TDRD10: variants seen among roughly 807,000 people sequenced by gnomAD.
TDRD10 encodes tudor domain containing 10.
A neutral mutation model predicts 48.0 loss-of-function variants in TDRD10; 40 were observed. The ratio of observed to expected loss-of-function variants is 0.83; its 90% confidence interval spans 0.65 to 1.09. The LOEUF is 1.09. Ranked by LOEUF, TDRD10 falls within the 50% of genes least tolerant of loss-of-function variation. The pLI, the probability that TDRD10 is intolerant of heterozygous loss-of-function variation, is 0.00. For synonymous variants in TDRD10, 162 were observed against 170.4 expected, an observed-to-expected ratio of 0.95 and a Z score of 0.38; for missense variants, 378 against 434.7, an observed-to-expected ratio of 0.87 and a Z score of 1.16.
chr1:154,517,984 A>G (rs1030939848), intron 4 of TDRD10, among the ~76,000 whole-genome samples: 1 of 152,176 alleles, frequency 6.6e-6, no homozygotes, highest in African/African-American at 2.4e-5. Context: ...GTGTTGTCCA[A>G]CTGTTAAATT....
At chr1:154,534,041 TG>T (rs1396166930) in intron 6 of TDRD10, among the ~76,000 whole-genome samples, 2 of 151,850 alleles carry the variant, frequency 1.3e-5, no homozygotes, top group African/African-American at 4.8e-5. Flanking sequence ...TATTTTTAAA[TG>T]GGAAAAAAAA....
chr1:154,533,901 T>TA (rs1222625628), intron 6 of TDRD10, among the ~76,000 whole-genome samples: 56 of 119,496 alleles, frequency 4.7e-4, no homozygotes, highest in East Asian at 1.1e-3. Flanking sequence ...ATATTTTTTT[T>TA]TAATTTTCTA....
At chr1:154,519,962 T>A (rs192727903) in intron 4 of TDRD10, among the ~76,000 whole-genome samples, 142 of 152,284 alleles carry the variant, frequency 9.3e-4, no homozygotes, top group Non-Finnish European at 1.9e-3. Context: ...GCTGTGGAAG[T>A]CACTTCTTCC....
chr1:154,518,866 A>C (rs1557819587), intron 4 of TDRD10, among the ~76,000 whole-genome samples: 1 of 152,228 alleles, frequency 6.6e-6, no homozygotes. Flanking sequence ...ATTTGGCCCA[A>C]GGTTATGGTT....
Position 154,544,013 on chromosome 1 carries a change from G to A in TDRD10, c.554G>A (p.Trp185Ter). ...AGGGAATGCTTCCGAGACCTGAGCT[G>A]GCTGGCACTCATCCATAGCGTCCGT... ...LLRECFRDLS[W>*]LALIHSVRGE... Residue 185 changes from tryptophan to a stop codon, truncating the protein, a stop_gained, in exon 9 of 13, where the codon TGG becomes TAG. Transcript: ENST00000368482. LOFTEE classifies it high-confidence loss of function. 1 of 1,614,222 alleles carries A rather than the reference G, an allele frequency of 6.2e-7. No individual in the cohort carries two copies. The highest frequency in any genetic ancestry group is 1.1e-5 in the South Asian group (1 of 91,092).
intron 8 of TDRD10, 48 bp downstream of exon 8, chr1:154,542,869 ATCC>A: frequency 6.7e-7 from 1 of 1,489,112 alleles, no homozygotes; most frequent in Non-Finnish European, 9.3e-7. Flanking sequence ...GATTACAGAC[ATCC>A]TCTGTCCCCC....
At chr1:154,512,028 T>TG (rs1273357308) in intron 4 of TDRD10, among the ~76,000 whole-genome samples, 15 of 79,860 alleles carry the variant, frequency 1.9e-4, no homozygotes, top group South Asian at 5.5e-4. Context: ...AAACTGTGTC[T>TG]GAAAAAAAAA....
intron 4 of TDRD10, among the ~76,000 whole-genome samples, chr1:154,519,374 A>G (rs1048822595): frequency 1.3e-5 from 2 of 152,242 alleles, no homozygotes; most frequent in Admixed American, 6.5e-5. Context: ...GATGGTATAA[A>G]TATCATTTTT....
At chr1:154,544,145 T>A in intron 9 of TDRD10, 35 bp downstream of exon 9, 1 of 1,613,662 alleles carries the variant, frequency 6.2e-7, no homozygotes. Flanking sequence ...CAGGCTCCTG[T>A]GCCTTCCTGC....
Position 154,508,544 on chromosome 1 carries a change from G to A in TDRD10, c.141+63G>A, listed in dbSNP as rs1693275136. 4 of 1,073,956 alleles carry A rather than the reference G, an allele frequency of 3.7e-6. No homozygotes were observed. In the South Asian group the frequency reaches 5.0e-5, roughly 13 times the overall value. The allele number at this position is 1,073,956 out of a possible 1,614,324, so 66.5% of individuals were successfully genotyped here. On this transcript the variant is annotated intron_variant, in intron 4 of 12. Transcript: ENST00000368482. The stretch of plus-strand genomic sequence containing the variant: ...GCCTTCCCATATGACTTAGTAACCT[G>A]CTAGTAACTTAATTTCCCCAGTTTT...
At chr1:154,545,171 A>G (rs965636861) in intron 11 of TDRD10, among the ~76,000 whole-genome samples, 4 of 152,104 alleles carry the variant, frequency 2.6e-5, no homozygotes, top group Non-Finnish European at 5.9e-5. Context: ...GGGACCTCAG[A>G]TGCTGCCCAA....
chr1:154,533,280 T>C (rs550710413), intron 6 of TDRD10, among the ~76,000 whole-genome samples: 1 of 152,194 alleles, frequency 6.6e-6, no homozygotes, highest in African/African-American at 2.4e-5. Flanking sequence ...AAAGGAGTTA[T>C]TATCTACAAG....
chr1:154,512,985 G>C (rs1693563908), intron 4 of TDRD10, among the ~76,000 whole-genome samples: 1 of 152,210 alleles, frequency 6.6e-6, no homozygotes, highest in Non-Finnish European at 1.5e-5. Context: ...TAGTGGCCGG[G>C]AGAGATGTTA....
intron 6 of TDRD10, among the ~76,000 whole-genome samples, chr1:154,533,530 TTA>T (rs904549120): frequency 7.2e-5 from 11 of 152,096 alleles, no homozygotes; most frequent in African/African-American, 2.7e-4. Flanking sequence ...CAGAGTCTTC[TTA>T]TGTTTGTTTT....
chr1:154,545,083 T>C, intron 11 of TDRD10, 134 bp downstream of exon 11: 1 of 1,199,304 alleles, frequency 8.3e-7, no homozygotes, highest in Non-Finnish European at 1.1e-6. Flanking sequence ...AACCCCAGTT[T>C]TCAGCATATG....
chr1:154,523,674 T>C (rs1304902955), intron 6 of TDRD10, among the ~76,000 whole-genome samples: 1 of 152,240 alleles, frequency 6.6e-6, no homozygotes, highest in African/African-American at 2.4e-5. Context: ...AGTCAATAAC[T>C]ACCTTAGTTC....
At chr1:154,531,343 A>G (rs910857388) in intron 6 of TDRD10, among the ~76,000 whole-genome samples, 1 of 152,144 alleles carries the variant, frequency 6.6e-6, no homozygotes, top group African/African-American at 2.4e-5. Context: ...CACTGACTTC[A>G]AGAATGAAGC....
chr1:154,526,216 A>AG (rs1359647030), intron 6 of TDRD10, among the ~76,000 whole-genome samples: 1 of 151,314 alleles, frequency 6.6e-6, no homozygotes, highest in Non-Finnish European at 1.5e-5. Flanking sequence ...AAAAAAAAAA[A>AG]AAAGAAACTT....
In TDRD10 at chr1:154,529,192, G is replaced by T. The variant is rs1413174458; in HGVS notation, c.369+7713G>T. On this transcript the variant is annotated intron_variant, in intron 6 of 12. Transcript: ENST00000368482. ...CCTTCCAGGTTCAAGCAATTCTCCT[G>T]CCTCAGCCTCCCAAGTAGCTGGGAT... Among the ~76,000 whole-genome samples the T allele has an allele frequency of 3.9e-5, 6 of 152,134 alleles. No homozygotes were observed. In the East Asian group the frequency reaches 1.2e-3, roughly 29 times the overall value.
Sources: allele counts gnomAD v4.1 joint callset (sites outside exome capture counted in the v4.1 genomes callset), GRCh38; gene constraint gnomAD v4.1.1; transcripts MANE v1.5; gene names NCBI Gene and HGNC (gene_info 2026-07-23, HGNC 2026-07-21).